Variants in PUS1 observed in about 807,000 individuals in gnomAD.
The protein encoded by PUS1 is pseudouridylate synthase 1 homolog.
A neutral mutation model predicts 38.5 loss-of-function variants in PUS1; 25 were observed. The observed-to-expected ratio is 0.65, with a 90% CI of 0.47 to 0.91. The LOEUF is 0.91. Among genes scored for constraint, PUS1 ranks in the 40% least tolerant of loss-of-function variants. PUS1 has a pLI of 0.00. For synonymous variants in PUS1, 282 were observed against 260.4 expected, an observed-to-expected ratio of 1.08 and a Z score of -0.80; for missense variants, 597 against 612.3, an observed-to-expected ratio of 0.97 and a Z score of 0.26.
chr12:131,930,233 G>C (rs1215353923), intron 2 of PUS1, 98 bp downstream of exon 2: 11 of 733,304 alleles, frequency 1.5e-5, no homozygotes, highest in Non-Finnish European at 7.8e-6. Context: ...TGCAGGAGCG[G>C]TCGCCCAGGT....
intron 3 of PUS1, 124 bp downstream of exon 3, chr12:131,932,436 C>A: frequency 8.4e-7 from 1 of 1,188,208 alleles, no homozygotes; most frequent in Non-Finnish European, 1.2e-6. Flanking sequence ...ATCAAACTAG[C>A]CTACGCCTTA....
intron 5 of PUS1, among the ~76,000 whole-genome samples, chr12:131,942,336 T>C (rs537143859): frequency 1.4e-4 from 21 of 152,186 alleles, no homozygotes; most frequent in African/African-American, 4.8e-4. Flanking sequence ...AAAAGCTAAG[T>C]GAATGAAAAT....
rs979550189 is a variant in PUS1, at chr12:131,945,029, G to T, written c.*1443G>T. The T allele has an allele frequency of 6.6e-6, 1 of 152,302 alleles. No individual in the cohort carries two copies. The highest frequency in any genetic ancestry group is 2.4e-5 in the African/African-American group (1 of 41,468). The allele number at this position is 152,302 out of a possible 1,614,324, so 9.4% of individuals were successfully genotyped here. A position where few individuals can be genotyped will look rare whatever the true frequency, so the allele number is the denominator to read the frequency against. On this transcript the variant is annotated 3_prime_UTR_variant, in exon 6 of 6. Transcript: ENST00000376649. ...CACGTGGCCTCCCAGCCTGCAGCCC[G>T]TGGGCGCACGTGACCAATGCACGAG... is the stretch of plus-strand genomic sequence containing the variant.
chr12:131,944,317 C>G lies in PUS1; in HGVS notation c.*731C>G, dbSNP rs1891210714. 1 of 152,146 alleles carries G rather than the reference C, an allele frequency of 6.6e-6. No homozygotes were observed. The allele number at this position is 152,146 out of a possible 1,614,324, so 9.4% of individuals were successfully genotyped here. A position where few individuals can be genotyped will look rare whatever the true frequency, so the allele number is the denominator to read the frequency against. On this transcript the variant is annotated 3_prime_UTR_variant, in exon 6 of 6. Transcript: ENST00000376649. ...TTACTTGAGGTCGGGAGTTTGAGAC[C>G]AGCCTGACCAGCATGGAGAAACCCC... is the stretch of plus-strand genomic sequence containing the variant.
In PUS1 at chr12:131,943,789, C is replaced by T. The variant is rs1303922163; in HGVS notation, c.*203C>T. 17 of 575,196 alleles carry T rather than the reference C, an allele frequency of 3.0e-5. No individual in the cohort carries two copies. Among genetic ancestry groups the T allele is most frequent in the Non-Finnish European group, 5.0e-5 (16 of 320,202 alleles). The allele number at this position is 575,196 out of a possible 1,614,324, so 35.6% of individuals were successfully genotyped here. On this transcript the variant is annotated 3_prime_UTR_variant, in exon 6 of 6. Transcript: ENST00000376649. ...GCTCTTGCATTGCATAGATGAACCT[C>T]AGCATGTAAAGAACTATTTTTTTAA...
At chr12:131,934,330 C>T (rs987721973) in intron 3 of PUS1, among the ~76,000 whole-genome samples, 4 of 152,172 alleles carry the variant, frequency 2.6e-5, no homozygotes, top group South Asian at 2.1e-4. Context: ...CTCCCTTTGC[C>T]GGTCTGTGAA....
In PUS1 at chr12:131,941,412, AC is replaced by A. The variant is rs765611487; in HGVS notation, c.667del (p.Arg223AlafsTer2). On this transcript the variant is annotated frameshift_variant, in exon 5 of 6. Transcript: ENST00000376649. LOFTEE classifies it high-confidence loss of function. The surrounding 1 kb of genome is among the most constrained non-coding windows in gnomAD (Gnocchi z 4.4). Reference sequence around the variant, plus strand: ...GACCGGGACGTTCAGGATGAGACCTACCGCCTGAGCGCCGAGACGCTGCAGC... The same window carrying A: ...GACCGGGACGTTCAGGATGAGACCTACGCCTGAGCGCCGAGACGCTGCAGC... ...HKDRDVQDET[Y>X]RLSAETLQQV... 6.2e-7 allele frequency: 1 copy of A among 1,614,158 alleles called. No homozygotes were observed. The highest frequency in any genetic ancestry group is 1.1e-5 in the South Asian group (1 of 91,084).
intron 3 of PUS1, chr12:131,934,891 G>A (rs1890755881): frequency 6.6e-6 from 1 of 152,236 alleles, no homozygotes; most frequent in Admixed American, 6.5e-5. Flanking sequence ...AGGATCCTCC[G>A]GGAATCTGAA....
At chr12:131,938,419 C>G (rs941664948) in intron 3 of PUS1, among the ~76,000 whole-genome samples, 7 of 152,182 alleles carry the variant, frequency 4.6e-5, no homozygotes, top group Non-Finnish European at 8.8e-5. Flanking sequence ...GCACTCCAAC[C>G]TGGGTGACAG....
At position 131,941,993 on chromosome 12, in the gene PUS1, C is replaced by T. The variant is rs2136444824; in HGVS notation, c.1236+10C>T. On this transcript the variant is annotated intron_variant, in intron 5 of 5. Transcript: ENST00000376649. This position sits in a 1 kb window ranked among gnomAD's most constrained non-coding sequence, Gnocchi z 4.4. ...TGGCACGGGCGCCAAGGTAGGGGCA[C>T]AGTCCCAGCAGTGCTCAGCAGAACA... 3 of 1,604,988 alleles carry T rather than the reference C, an allele frequency of 1.9e-6. No individual in the cohort carries two copies. The highest frequency in any genetic ancestry group is 1.1e-5 in the South Asian group (1 of 90,424).
intron 5 of PUS1, 85 bp from the exon 6 acceptor site, chr12:131,943,454 C>T (rs1891175867): frequency 8.7e-7 from 1 of 1,145,640 alleles, no homozygotes; most frequent in East Asian, 2.3e-5. Flanking sequence ...GCTCCTGTGC[C>T]AAGCCTGTCA....
rs1375969282 is a variant in PUS1 at position 131,941,387 on chromosome 12, G to C, written c.640G>C (p.Asp214His). 6.2e-7 allele frequency: 1 copy of C among 1,614,102 alleles called. No individual in the cohort carries two copies. The highest frequency in any genetic ancestry group is 8.5e-7 in the Non-Finnish European group (1 of 1,180,054). The change falls in exon 5 of 6, where the codon GAC becomes CAC. Residue 214 changes from aspartate (D) to histidine (H), a missense_variant. Asp to His is a moderately conservative substitution (Grantham distance 81). Transcript: ENST00000376649. The surrounding 1 kb of genome is among the most constrained non-coding windows in gnomAD (Gnocchi z 4.4). ...LLPTFAFAHKDRDVQDETYRL... is the reference protein window; with the variant it reads ...LLPTFAFAHKHRDVQDETYRL... ...GCCCACGTTTGCCTTTGCGCACAAG[G>C]ACCGGGACGTTCAGGATGAGACCTA...
chr12:131,932,232 G>A lies in PUS1; in HGVS notation c.361G>A (p.Val121Ile), dbSNP rs770785029. The A allele has an allele frequency of 5.6e-6, 9 of 1,613,960 alleles. No homozygotes were observed. Among genetic ancestry groups the A allele is most frequent in the African/African-American group, 2.7e-5 (2 of 75,022 alleles). ...TIEDDLVSAL[V>I]RSGCIPENHG... Reference sequence around the variant, plus strand: ...TGAAGATGACTTGGTGTCCGCCCTCGTCCGGTCAGGCTGTATTCCTGAAAA... The same window carrying A: ...TGAAGATGACTTGGTGTCCGCCCTCATCCGGTCAGGCTGTATTCCTGAAAA... The change falls in exon 3 of 6, where the codon GTC becomes ATC. Residue 121 changes from valine to isoleucine, a missense_variant. Val to Ile is a conservative substitution (Grantham distance 29). Coordinates refer to ENST00000376649, the MANE Select transcript of PUS1 (RefSeq NM_025215.6).
chr12:131,938,579 C>A (rs1890929848), intron 3 of PUS1, among the ~76,000 whole-genome samples: 1 of 152,190 alleles, frequency 6.6e-6, no homozygotes, highest in Non-Finnish European at 1.5e-5. Flanking sequence ...TACGCACTGC[C>A]TGTCCTCAGA....
At chr12:131,939,785 C>A (rs971355586) in intron 4 of PUS1, among the ~76,000 whole-genome samples, 1 of 152,044 alleles carries the variant, frequency 6.6e-6, no homozygotes. Flanking sequence ...GTAACTGGGA[C>A]TACAGGTGTG....
At chr12:131,929,883 C>G (rs1206569141) in intron 1 of PUS1, 24 bp from the exon 2 acceptor site, 11 of 1,462,812 alleles carry the variant, frequency 7.5e-6, no homozygotes, top group Non-Finnish European at 9.0e-6. Context: ...AGCGGGCCCC[C>G]GCTCACGCCG....
At chr12:131,938,950 C>G (rs75771181) in intron 3 of PUS1, among the ~76,000 whole-genome samples, 1 of 152,136 alleles carries the variant, frequency 6.6e-6, no homozygotes, top group Non-Finnish European at 1.5e-5. Flanking sequence ...TTCATGTTAG[C>G]CAGGATAGTC....
In PUS1 at chr12:131,941,547, A is replaced by G. The variant is rs779775797; in HGVS notation, c.800A>G (p.Tyr267Cys). ...GCCTGCCGCTACATCCTGGAGATGTACTGCGAGGAACCCTTTGTGCGGGAG... is the reference window on the plus strand; with the variant it reads ...GCCTGCCGCTACATCCTGGAGATGTGCTGCGAGGAACCCTTTGTGCGGGAG... ...PSACRYILEM[Y>C]CEEPFVREGL... Residue 267 changes from tyrosine (Y) to cysteine (C), a missense_variant, in exon 5 of 6, where the codon TAC becomes TGC. Tyr to Cys is a radical substitution (Grantham distance 194). Coordinates refer to ENST00000376649, the MANE Select transcript of PUS1 (RefSeq NM_025215.6). The surrounding 1 kb of genome is among the most constrained non-coding windows in gnomAD (Gnocchi z 4.4). 4 of 1,614,236 alleles carry G rather than the reference A, an allele frequency of 2.5e-6. No homozygotes were observed. In the Admixed American group the frequency reaches 6.7e-5, roughly 27 times the overall value.
chr12:131,931,478 C>G (rs551987927), intron 2 of PUS1: 6 of 153,130 alleles, frequency 3.9e-5, no homozygotes, highest in African/African-American at 1.2e-4. Context: ...GCACTGCAAC[C>G]TCTGCCTCCC....
Sources: gnomAD v4.1 joint callset for allele counts (sites outside exome capture counted in the v4.1 genomes callset) on GRCh38, gnomAD v4.1.1 for gene constraint, Gnocchi (gnomAD v3.1) non-coding constraint, MANE v1.5 for transcripts, NCBI Gene and HGNC (gene_info 2026-07-23, HGNC 2026-07-21) for gene names.